The following SNTG1 variants were observed in gnomAD, a reference collection of about 807,000 sequenced individuals.
SNTG1 encodes the protein syntrophin gamma 1.
SNTG1 carries 39 observed loss-of-function variants against 74.7 expected under a neutral mutation model. The ratio of observed to expected loss-of-function variants is 0.52; its 90% CI spans 0.40 to 0.68. The LOEUF (loss-of-function observed/expected upper bound fraction) is 0.68, where lower values mean the gene tolerates loss of function less well. Ranked by LOEUF, SNTG1 falls within the 30% of genes least tolerant of loss-of-function variation. The pLI, the probability that SNTG1 is intolerant of heterozygous loss-of-function variation, is 0.00. For missense variants in SNTG1, 685 were observed against 609.5 expected, an observed-to-expected ratio of 1.12 and a Z score of -1.30; for synonymous variants, 254 against 217.1, an observed-to-expected ratio of 1.17 and a Z score of -1.49.
intron 2 of SNTG1, among the ~76,000 whole-genome samples, chr8:50,186,485 C>A (rs2083389072): frequency 1.3e-5 from 2 of 152,132 alleles, no homozygotes; most frequent in African/African-American, 4.8e-5. Flanking sequence ...TTTACATTCA[C>A]ACCAACAGTG....
At chr8:50,348,694 C>T (rs1342370215) in intron 2 of SNTG1, among the ~76,000 whole-genome samples, 1 of 151,990 alleles carries the variant, frequency 6.6e-6, no homozygotes, top group Non-Finnish European at 1.5e-5. Context: ...AGCATATGAC[C>T]CATAATGAAT....
intron 2 of SNTG1, among the ~76,000 whole-genome samples, chr8:50,370,609 C>T (rs2092244526): frequency 1.3e-5 from 2 of 152,112 alleles, no homozygotes; most frequent in African/African-American, 4.8e-5. Context: ...AGGACTTAAC[C>T]TTACATTGCC....
At chr8:50,655,690 A>G (rs938908610) in intron 13 of SNTG1, among the ~76,000 whole-genome samples, 2 of 152,204 alleles carry the variant, frequency 1.3e-5, no homozygotes, top group Non-Finnish European at 1.5e-5. Flanking sequence ...TAATTAATGG[A>G]AAGAAGATGA....
chr8:49,945,622 G>A (rs1004755177), intron 1 of SNTG1, among the ~76,000 whole-genome samples: 1 of 152,100 alleles, frequency 6.6e-6, no homozygotes, highest in East Asian at 1.9e-4. Context: ...CTGCAGATTC[G>A]CTGGGTTCAT....
chr8:50,218,970 G>A (rs1241545132), intron 2 of SNTG1, among the ~76,000 whole-genome samples: 1 of 152,180 alleles, frequency 6.6e-6, no homozygotes, highest in Non-Finnish European at 1.5e-5. Context: ...AGGAAAAGAA[G>A]AGAAAGTCTA....
At chr8:50,510,206 C>T (rs1311218614) in intron 9 of SNTG1, among the ~76,000 whole-genome samples, 3 of 152,018 alleles carry the variant, frequency 2.0e-5, no homozygotes, top group African/African-American at 7.2e-5. Context: ...TGTTTATATG[C>T]TGGATTACAT....
At chr8:50,474,468 A>G (rs1457017847) in intron 8 of SNTG1, among the ~76,000 whole-genome samples, 1 of 152,206 alleles carries the variant, frequency 6.6e-6, no homozygotes, top group Non-Finnish European at 1.5e-5. Context: ...CAAAAGACAC[A>G]TGAAAAAATG....
chr8:50,270,966 G>T (rs543105435), intron 2 of SNTG1, among the ~76,000 whole-genome samples: 1 of 152,200 alleles, frequency 6.6e-6, no homozygotes, highest in African/African-American at 2.4e-5. Context: ...CTAAATATGT[G>T]CTTGCTGCCT....
intron 1 of SNTG1, among the ~76,000 whole-genome samples, chr8:50,009,378 C>T (rs1050566464): frequency 5.9e-5 from 9 of 152,100 alleles, no homozygotes; most frequent in African/African-American, 1.9e-4. Flanking sequence ...GTAGACTGGA[C>T]TACCTTTTCT....
rs561109610 is a variant in SNTG1, at chr8:50,562,445, A to G, written c.810+9266A>G. 3.9e-4 allele frequency among the ~76,000 whole-genome samples: 59 copies of G among 152,320 alleles called. 2 individuals carry two copies. In the South Asian group the frequency reaches 0.012, roughly 30 times the overall value. ...TTCTGGCTCTGAAGATGGAGAAGGGAATGCAATTCAAAGAAAGCAGTAGTC... is the reference window on the plus strand; with the variant it reads ...TTCTGGCTCTGAAGATGGAGAAGGGGATGCAATTCAAAGAAAGCAGTAGTC... On this transcript the variant is annotated intron_variant, in intron 12 of 18. Coordinates refer to ENST00000642720, the MANE Select transcript of SNTG1 (RefSeq NM_018967.5).
chr8:50,481,499 T>C (rs760534399), intron 8 of SNTG1, among the ~76,000 whole-genome samples: 1 of 152,214 alleles, frequency 6.6e-6, no homozygotes, highest in South Asian at 2.1e-4. Flanking sequence ...ATAATTGTGC[T>C]CTGTATATTC....
At chr8:50,393,040 G>A (rs1052693421) in intron 2 of SNTG1, among the ~76,000 whole-genome samples, 1 of 151,296 alleles carries the variant, frequency 6.6e-6, no homozygotes, top group Non-Finnish European at 1.5e-5. Context: ...GAGACAAGAA[G>A]ATATTTACAG....
At chr8:50,239,553 T>C (rs113371617) in intron 2 of SNTG1, among the ~76,000 whole-genome samples, 26 of 152,222 alleles carry the variant, frequency 1.7e-4, no homozygotes, top group African/African-American at 5.5e-4. Flanking sequence ...AATTACTCAG[T>C]TGTAAATGAG....
At chr8:50,018,542 G>T (rs1053734246) in intron 1 of SNTG1, among the ~76,000 whole-genome samples, 2 of 151,890 alleles carry the variant, frequency 1.3e-5, no homozygotes, top group African/African-American at 2.4e-5. Context: ...ACTAGAAAAA[G>T]ACATAAGAGT....
intron 2 of SNTG1, among the ~76,000 whole-genome samples, chr8:50,222,228 A>T (rs1450127): frequency 0.43 from 65,491 of 152,036 alleles, 17,860 homozygotes; most frequent in African/African-American, 0.78. Context: ...TACACCTACA[A>T]CTTATAGAAA....
At chr8:50,496,654 A>C (rs2093907144) in intron 8 of SNTG1, among the ~76,000 whole-genome samples, 1 of 152,192 alleles carries the variant, frequency 6.6e-6, no homozygotes, top group African/African-American at 2.4e-5. Flanking sequence ...TAGTGGTTTT[A>C]ATATTAAACA....
intron 15 of SNTG1, among the ~76,000 whole-genome samples, chr8:50,698,790 G>A (rs1478059460): frequency 6.6e-6 from 1 of 152,098 alleles, no homozygotes; most frequent in Non-Finnish European, 1.5e-5. Flanking sequence ...TCCCAAGGTA[G>A]ATCTAGGGCT....
intron 1 of SNTG1, among the ~76,000 whole-genome samples, chr8:50,094,715 T>C (rs541905747): frequency 6.6e-6 from 1 of 152,088 alleles, no homozygotes; most frequent in South Asian, 2.1e-4. Context: ...GGAACACTTA[T>C]AATGTTGGTA....
chr8:50,677,592 T>G (rs2095314231), intron 15 of SNTG1, among the ~76,000 whole-genome samples: 2 of 152,006 alleles, frequency 1.3e-5, no homozygotes, highest in Admixed American at 1.3e-4. Context: ...AGATTTCTGT[T>G]TACAGAAATG....
Sources: gnomAD v4.1 joint callset for allele counts (sites outside exome capture counted in the v4.1 genomes callset) on GRCh38, gnomAD v4.1.1 for gene constraint, MANE v1.5 for transcripts, NCBI Gene and HGNC (gene_info 2026-07-23, HGNC 2026-07-21) for gene names.